WDR59: variants seen among roughly 807,000 people sequenced by gnomAD.
The protein encoded by WDR59 is GATOR2 complex protein WDR59.
A neutral mutation model predicts 131.2 loss-of-function variants in WDR59; 100 were observed. That is an observed-to-expected ratio of 0.76 (90% CI 0.65 to 0.90). The LOEUF (loss-of-function observed/expected upper bound fraction) is 0.90. WDR59 is among the 40% of genes least tolerant of loss of function. WDR59 has a pLI of 0.00. For synonymous variants in WDR59, 601 were observed against 466.2 expected (o/e 1.29, Z -3.72); for missense variants, 1,203 against 1,262.2 (o/e 0.95, Z 0.71).
At chr16:74,956,283 C>T (rs1390117961) in intron 3 of WDR59, among the ~76,000 whole-genome samples, 192 bp downstream of exon 3, 1 of 152,170 alleles carries the variant, frequency 6.6e-6, no homozygotes, top group Non-Finnish European at 1.5e-5. Flanking sequence ...AGGCCTGACA[C>T]CGATGGGACC....
intron 13 of WDR59, among the ~76,000 whole-genome samples, chr16:74,914,127 G>T (rs537522169): frequency 1.3e-5 from 2 of 152,096 alleles, no homozygotes; most frequent in South Asian, 4.1e-4. Context: ...CAGGAGAATC[G>T]CGTGAACCCG....
At chr16:74,968,252 T>C (rs2033851360) in intron 1 of WDR59, among the ~76,000 whole-genome samples, 2 of 152,168 alleles carry the variant, frequency 1.3e-5, no homozygotes, top group Non-Finnish European at 2.9e-5. Context: ...TATGTCTAGA[T>C]GTCAGAGACA....
chr16:74,904,046 G>A lies in WDR59; in HGVS notation c.1767C>T (p.Ile589=). ...GAAGGTTCCCAGGGGCCTCTGTGCG[G>A]ATCTTCATGGGCGCGATCAAGCCAG... ...YHTGLIAPMK[I]RTEAPGNLRL... Residue 589 remains isoleucine (I), a synonymous_variant, in exon 18 of 26, where the codon ATC becomes ATT. Transcript: ENST00000262144. 6.2e-7 allele frequency: 1 copy of A among 1,613,392 alleles called. No individual in the cohort carries two copies. The highest frequency in any genetic ancestry group is 1.1e-5 in the South Asian group (1 of 90,836).
intron 1 of WDR59, among the ~76,000 whole-genome samples, chr16:74,970,973 C>T (rs555742251): frequency 6.6e-6 from 1 of 151,684 alleles, no homozygotes; most frequent in Non-Finnish European, 1.5e-5. Context: ...AACTTGAGCC[C>T]GAGAGGTTGT....
At chr16:74,981,723 T>C (rs2034437433) in intron 1 of WDR59, among the ~76,000 whole-genome samples, 1 of 131,530 alleles carries the variant, frequency 7.6e-6, no homozygotes, top group African/African-American at 2.9e-5. Flanking sequence ...TGGTGAGATC[T>C]TGGCTCACTG....
At chr16:74,964,580 A>G (rs965636947) in intron 2 of WDR59, among the ~76,000 whole-genome samples, 1 of 152,162 alleles carries the variant, frequency 6.6e-6, no homozygotes, top group African/African-American at 2.4e-5. Flanking sequence ...TTTTTTAAAA[A>G]AGGTAAATTA....
intron 8 of WDR59, among the ~76,000 whole-genome samples, chr16:74,925,543 C>CAAAA (rs35515333): frequency 5.7e-5 from 6 of 105,010 alleles, no homozygotes; most frequent in Non-Finnish European, 1.1e-4. Context: ...GACTCCATCT[C>CAAAA]AAAAAAAAAA....
intron 11 of WDR59, 129 bp downstream of exon 11, chr16:74,917,800 C>G: frequency 4.2e-6 from 3 of 710,906 alleles, no homozygotes; most frequent in Middle Eastern, 3.1e-4. Flanking sequence ...TTCAGTGAGA[C>G]GCACTCTCAA....
intron 7 of WDR59, among the ~76,000 whole-genome samples, chr16:74,941,394 C>T (rs193194996): frequency 2.4e-3 from 360 of 148,494 alleles, no homozygotes; most frequent in Admixed American, 5.2e-3. Flanking sequence ...AAGACAAAAA[C>T]TAACATATAG....
chr16:74,903,292 C>G (rs2144885235), intron 18 of WDR59, among the ~76,000 whole-genome samples: 1 of 152,274 alleles, frequency 6.6e-6, no homozygotes, highest in Non-Finnish European at 1.5e-5. Flanking sequence ...CTGTTTAAGC[C>G]AGACCTGCAA....
Position 74,915,980 on chromosome 16 carries a change from G to T in WDR59, c.1114C>A (p.Pro372Thr). 2 of 1,614,178 alleles carry T rather than the reference G, an allele frequency of 1.2e-6. No individual in the cohort carries two copies. Among genetic ancestry groups the T allele is most frequent in the South Asian group, 1.1e-5 (1 of 91,078 alleles). ...CTCTCTTCCAGGAGATTTCTAGGGG[G>T]ATCTTCTTTTAGGGCTAGCAGGAGA... ...HGEEEALKEDPPRNLLEERKS... is the reference protein window; with the variant it reads ...HGEEEALKEDTPRNLLEERKS... The change falls in exon 13 of 26, where the codon CCC becomes ACC. Residue 372 changes from proline to threonine, a missense_variant. Physicochemically the swap from Pro to Thr is conservative, Grantham distance 38. Transcript: ENST00000262144.
At chr16:74,909,003 C>T (rs751665282) in intron 16 of WDR59, 26 bp from the exon 17 acceptor site, 2 of 1,603,956 alleles carry the variant, frequency 1.2e-6, no homozygotes, top group Non-Finnish European at 1.7e-6. Context: ...TCACATGAGC[C>T]ATCAGTGTCA....
intron 16 of WDR59, among the ~76,000 whole-genome samples, 190 bp from the exon 17 acceptor site, chr16:74,909,167 A>G (rs1373478079): frequency 1.3e-5 from 2 of 152,094 alleles, no homozygotes; most frequent in African/African-American, 4.8e-5. Flanking sequence ...GATCCAGGAG[A>G]GAGGATGTAT....
chr16:74,874,813 A>T (rs2144739942), intron 25 of WDR59, among the ~76,000 whole-genome samples: 1 of 151,758 alleles, frequency 6.6e-6, no homozygotes, highest in African/African-American at 2.4e-5. Flanking sequence ...CTGGTCTCGA[A>T]CTCCTGACCT....
chr16:74,886,192 T>TAAAAAAAAAAAAAAAAAAAAAAAAAC (rs1567687441), intron 24 of WDR59, 78 bp downstream of exon 24: 2 of 1,152,286 alleles, frequency 1.7e-6, no homozygotes, highest in African/African-American at 3.3e-5. Context: ...AAAAAAAAAG[T>TAAAAAAAAAAAAAAAAAAAAAAAAAC]AAGAGTTGTG....
At chr16:74,979,838 CTTTTTTT>C (rs56943510) in intron 1 of WDR59, among the ~76,000 whole-genome samples, 8 of 60,506 alleles carry the variant, frequency 1.3e-4, no homozygotes, top group Admixed American at 8.0e-4. Context: ...CACACCCGGC[CTTTTTTT>C]TTTTTTTTTT....
At chr16:74,882,356 A>T (rs1211784242) in intron 25 of WDR59, among the ~76,000 whole-genome samples, 1 of 152,208 alleles carries the variant, frequency 6.6e-6, no homozygotes, top group Admixed American at 6.5e-5. Context: ...ACATTTCTTC[A>T]AGTACGTATA....
chr16:74,979,170 T>G (rs929894896), intron 1 of WDR59: 2 of 151,912 alleles, frequency 1.3e-5, no homozygotes, highest in African/African-American at 4.8e-5. Context: ...CCATCATCAC[T>G]GGAAGTTCTA....
intron 25 of WDR59, among the ~76,000 whole-genome samples, chr16:74,875,965 C>T (rs1030836927): frequency 2.0e-5 from 3 of 152,160 alleles, no homozygotes; most frequent in Non-Finnish European, 2.9e-5. Flanking sequence ...GCCTCCACCA[C>T]GTTCTGCAAA....
Sources: gnomAD v4.1 joint callset for allele counts (sites outside exome capture counted in the v4.1 genomes callset) on GRCh38, gnomAD v4.1.1 for gene constraint, MANE v1.5 for transcripts, NCBI Gene and HGNC (gene_info 2026-07-23, HGNC 2026-07-21) for gene names.